TMEM231: variants seen among roughly 807,000 people sequenced by gnomAD.
The protein encoded by TMEM231 is transmembrane protein 231.
In TMEM231, 40 loss-of-function variants were observed where a neutral mutation model predicts 38.5. The observed-to-expected ratio is 1.04, with a 90% CI of 0.81 to 1.35. TMEM231 has a LOEUF of 1.35. TMEM231 is among the 40% of genes most tolerant of loss of function. The pLI, the probability that TMEM231 is intolerant of heterozygous loss-of-function variation, is 0.00. For synonymous variants in TMEM231, 199 were observed against 181.7 expected, an observed-to-expected ratio of 1.10 and a Z score of -0.77; for missense variants, 420 against 416.9, an observed-to-expected ratio of 1.01 and a Z score of -0.07.
chr16:75,552,504 TG>T (rs1211406851), intron 2 of TMEM231, among the ~76,000 whole-genome samples: 6 of 152,108 alleles, frequency 3.9e-5, no homozygotes, highest in Non-Finnish European at 8.8e-5. Flanking sequence ...TAAAAGCCAT[TG>T]GTCTGGGCCC....
chr16:75,547,087 C>T (rs6564265), intron 2 of TMEM231, among the ~76,000 whole-genome samples: 9,768 of 152,194 alleles, frequency 0.064, 1,056 homozygotes, highest in African/African-American at 0.22. Context: ...CAGGAAAGCA[C>T]GGTTACTGAA....
chr16:75,541,335 T>C lies in TMEM231; in HGVS notation c.770+15A>G. 3.8e-6 allele frequency: 6 copies of C among 1,589,676 alleles called. No homozygotes were observed. Among genetic ancestry groups the C allele is most frequent in the Non-Finnish European group, 4.3e-6 (5 of 1,162,278 alleles). ...ACATCCAGCCTTAACATGGACTCTT[T>C]AACAGAAAGGATATGAAATGACTTC... On this transcript the variant is annotated intron_variant, in intron 6 of 6. Coordinates refer to ENST00000258173, the MANE Select transcript of TMEM231 (RefSeq NM_001077418.3).
intron 6 of TMEM231, 129 bp downstream of exon 6, chr16:75,541,221 T>A (rs1048704527): frequency 4.6e-6 from 2 of 436,440 alleles, no homozygotes; most frequent in South Asian, 9.8e-5. Context: ...GGACTCACTA[T>A]CTTGGCCAGG....
At chr16:75,553,207 A>G (rs1416385406) in intron 2 of TMEM231, among the ~76,000 whole-genome samples, 1 of 152,162 alleles carries the variant, frequency 6.6e-6, no homozygotes, top group African/African-American at 2.4e-5. Flanking sequence ...TCCTGGATAG[A>G]CTGACGTCAG....
At position 75,536,887 on chromosome 16, in the gene TMEM231, C is replaced by A. The variant is rs1404495216; in HGVS notation, c.*3107G>T. 1.3e-5 allele frequency: 2 copies of A among 152,142 alleles called. No individual in the cohort carries two copies. The highest frequency in any genetic ancestry group is 3.9e-4 in the East Asian group (2 of 5,186). The allele number at this position is 152,142 out of a possible 1,614,324, so 9.4% of individuals were successfully genotyped here. On this transcript the variant is annotated 3_prime_UTR_variant, in exon 7 of 7. Transcript: ENST00000258173. ...CTGTGATCCCAGCACTTTGGGTGGC[C>A]AAAGCGGATGGATCACTTGAGGTCA...
At chr16:75,541,315 C>T (rs1222736193) in intron 6 of TMEM231, 35 bp downstream of exon 6, 2 of 1,510,224 alleles carry the variant, frequency 1.3e-6, no homozygotes, top group Non-Finnish European at 1.8e-6. Flanking sequence ...CCACCACATC[C>T]AGCCTTAACA....
intron 3 of TMEM231, 92 bp from the exon 4 acceptor site, chr16:75,545,587 G>C (rs1245565067): frequency 2.2e-6 from 2 of 907,846 alleles, no homozygotes; most frequent in Non-Finnish European, 3.2e-6. Context: ...TGAAACCTAA[G>C]AGGCCCTCAC....
chr16:75,543,430 C>T (rs916596931), intron 4 of TMEM231, among the ~76,000 whole-genome samples: 3 of 151,956 alleles, frequency 2.0e-5, no homozygotes, highest in South Asian at 2.1e-4. Context: ...ATTAGCCAGG[C>T]GTGGTGGCAT....
chr16:75,549,316 G>T (rs1298454819), intron 2 of TMEM231, among the ~76,000 whole-genome samples: 1 of 152,180 alleles, frequency 6.6e-6, no homozygotes, highest in Non-Finnish European at 1.5e-5. Flanking sequence ...CAAATTCTAG[G>T]TCGCTATCTA....
rs575129429 is a variant in TMEM231, at chr16:75,537,193, G to A, written c.*2801C>T. 15 of 151,624 alleles carry A rather than the reference G, an allele frequency of 9.9e-5. No homozygotes were observed. The highest frequency in any genetic ancestry group is 3.4e-4 in the African/African-American group (14 of 41,394). 9.4% of individuals were successfully genotyped at this position (151,624 alleles called of 1,614,324 possible). ...TACTGGGTACTATGCTTATTACGTG[G>A]GTGATGAAATAATCTGTACACCAAA... On this transcript the variant is annotated 3_prime_UTR_variant, in exon 7 of 7. Transcript: ENST00000258173.
At chr16:75,540,262 G>C (rs1010335483) in intron 6 of TMEM231, 88 bp from the exon 7 acceptor site, 1 of 1,350,124 alleles carries the variant, frequency 7.4e-7, no homozygotes, top group African/African-American at 1.5e-5. Context: ...GAGGTATCTC[G>C]AAAGGAGGCA....
intron 2 of TMEM231, among the ~76,000 whole-genome samples, chr16:75,550,795 C>A (rs1172953607): frequency 6.6e-6 from 1 of 150,792 alleles, no homozygotes; most frequent in African/African-American, 2.4e-5. Flanking sequence ...CAGCTCACTG[C>A]AATCTCCGCC....
In TMEM231 at chr16:75,556,200, A is replaced by G; in HGVS notation, c.10T>C (p.Tyr4His). MALYELFSHPVERS... is the reference protein window; with the variant it reads MALHELFSHPVERS... ...TCGACCGGGTGAGAGAAGAGCTCAT[A>G]GAGCGCCATGAGCACCGCTCGCAGG... is the stretch of plus-strand genomic sequence containing the variant. Residue 4 changes from tyrosine to histidine, a missense_variant, in exon 1 of 7, where the codon TAT becomes CAT. Transcript: ENST00000258173. 3.4e-6 allele frequency: 5 copies of G among 1,473,414 alleles called. No homozygotes were observed. Among genetic ancestry groups the G allele is most frequent in the Non-Finnish European group, 4.5e-6 (5 of 1,119,110 alleles). 91.3% of individuals were successfully genotyped at this position (1,473,414 alleles called of 1,614,324 possible).
chr16:75,540,467 A>G (rs1239827500), intron 6 of TMEM231, among the ~76,000 whole-genome samples: 1 of 152,224 alleles, frequency 6.6e-6, no homozygotes, highest in Non-Finnish European at 1.5e-5. Context: ...TCCATCTTCT[A>G]AAATCTTCCA....
At chr16:75,544,377 G>C (rs546074717) in intron 4 of TMEM231, among the ~76,000 whole-genome samples, 5 of 152,134 alleles carry the variant, frequency 3.3e-5, no homozygotes. Flanking sequence ...GGCATGGTCC[G>C]ATAAGCCACA....
Position 75,545,444 on chromosome 16 carries a change from G to T in TMEM231, c.490C>A (p.Pro164Thr). ...QSMAFLQSSF[P>T]VPGSQLYVNG... ...ACGTATAACTGGGATCCCGGGACAG[G>T]AAAGGAGGACTGGAGAAACGCCATG... The change falls in exon 4 of 7, where the codon CCT (proline) becomes ACT (threonine). Residue 164 changes from proline to threonine, a missense_variant. Physicochemically the swap from Pro to Thr is conservative, Grantham distance 38. Coordinates refer to ENST00000258173, the MANE Select transcript of TMEM231 (RefSeq NM_001077418.3). 1 of 1,604,296 alleles carries T rather than the reference G, an allele frequency of 6.2e-7. No homozygotes were observed. The highest frequency in any genetic ancestry group is 8.5e-7 in the Non-Finnish European group (1 of 1,174,556).
intron 4 of TMEM231, among the ~76,000 whole-genome samples, chr16:75,543,899 G>A (rs1418819761): frequency 6.6e-6 from 1 of 152,136 alleles, no homozygotes; most frequent in Admixed American, 6.6e-5. Flanking sequence ...ACAAGTCTGG[G>A]TTTATGGCTG....
chr16:75,541,157 A>G (rs1217126783), intron 6 of TMEM231, among the ~76,000 whole-genome samples, 193 bp downstream of exon 6: 1 of 149,782 alleles, frequency 6.7e-6, no homozygotes, highest in Non-Finnish European at 1.5e-5. Context: ...GGGACTACAC[A>G]TGTACGCCAC....
At position 75,538,969 on chromosome 16, in the gene TMEM231, C is replaced by G. The variant is rs1162281512; in HGVS notation, c.*1025G>C. The G allele has an allele frequency of 6.6e-6, 1 of 152,344 alleles. No homozygotes were observed. Among genetic ancestry groups the G allele is most frequent in the Non-Finnish European group, 1.5e-5 (1 of 68,156 alleles). The allele number at this position is 152,344 out of a possible 1,614,324, so 9.4% of individuals were successfully genotyped here. ...TTTACACTCTTACTGCTTCTTGTGT[C>G]CTTCCCAAAGCTGCCCGCCCCACTC... On this transcript the variant is annotated 3_prime_UTR_variant, in exon 7 of 7. Coordinates refer to ENST00000258173, the MANE Select transcript of TMEM231 (RefSeq NM_001077418.3).
Sources: gnomAD v4.1 joint callset for allele counts (sites outside exome capture counted in the v4.1 genomes callset) on GRCh38, gnomAD v4.1.1 for gene constraint, MANE v1.5 for transcripts, NCBI Gene and HGNC (gene_info 2026-07-23, HGNC 2026-07-21) for gene names.